Variants in TDRD3 observed in about 807,000 individuals in gnomAD.
TDRD3 encodes tudor domain containing 3.
Under a neutral mutation model 86.7 loss-of-function variants are expected in TDRD3, and 45 were observed. The observed-to-expected ratio is 0.52, with a 90% CI of 0.41 to 0.67. TDRD3 has a LOEUF of 0.67. TDRD3 is among the 30% of genes least tolerant of loss of function. The pLI, the probability that TDRD3 is intolerant of heterozygous loss-of-function variation, is 0.00. For missense variants in TDRD3, 814 were observed against 889.0 expected, an observed-to-expected ratio of 0.92 and a Z score of 1.07; for synonymous variants, 298 against 301.7, an observed-to-expected ratio of 0.99 and a Z score of 0.13.
intron 3 of TDRD3, among the ~76,000 whole-genome samples, chr13:60,450,009 C>T (rs1212693328): frequency 6.6e-6 from 1 of 151,970 alleles, no homozygotes; most frequent in Non-Finnish European, 1.5e-5. Flanking sequence ...TCTTGTTTTT[C>T]TTCTGTCATT....
intron 2 of TDRD3, among the ~76,000 whole-genome samples, chr13:60,444,040 A>C (rs1955343391): frequency 6.6e-6 from 1 of 151,906 alleles, no homozygotes; most frequent in Admixed American, 6.6e-5. Flanking sequence ...CATGAATGCT[A>C]TAGCCTTGTT....
intron 12 of TDRD3, among the ~76,000 whole-genome samples, chr13:60,549,675 T>C (rs1386929778): frequency 6.6e-6 from 1 of 152,134 alleles, no homozygotes; most frequent in African/African-American, 2.4e-5. Flanking sequence ...GGGGCTTATC[T>C]CAGTAAAGAA....
chr13:60,561,698 A>G (rs1393314320), intron 12 of TDRD3, among the ~76,000 whole-genome samples: 1 of 152,168 alleles, frequency 6.6e-6, no homozygotes, highest in African/African-American at 2.4e-5. Context: ...ATTACTGGGT[A>G]CCACAGTGAG....
At chr13:60,470,875 G>T (rs1161312370) in intron 5 of TDRD3, among the ~76,000 whole-genome samples, 1 of 152,110 alleles carries the variant, frequency 6.6e-6, no homozygotes, top group East Asian at 1.9e-4. Flanking sequence ...AAGCCACCAT[G>T]CCCGGCCTTC....
intron 5 of TDRD3, among the ~76,000 whole-genome samples, chr13:60,475,458 A>G (rs1956164909): frequency 6.6e-6 from 1 of 152,196 alleles, no homozygotes; most frequent in South Asian, 2.1e-4. Flanking sequence ...GTATTCTATC[A>G]TGTATATCTA....
chr13:60,559,698 T>C (rs1438981600), intron 12 of TDRD3, among the ~76,000 whole-genome samples: 3 of 152,070 alleles, frequency 2.0e-5, no homozygotes, highest in Non-Finnish European at 2.9e-5. Context: ...GTCAAACTCA[T>C]AGAAACAGAG....
At chr13:60,563,060 C>T (rs1467682917) in intron 12 of TDRD3, among the ~76,000 whole-genome samples, 3 of 151,922 alleles carry the variant, frequency 2.0e-5, no homozygotes, top group African/African-American at 7.3e-5. Context: ...GAAACCCCAT[C>T]TCTACAAAAC....
intron 3 of TDRD3, among the ~76,000 whole-genome samples, chr13:60,450,671 G>A (rs561815001): frequency 2.0e-5 from 3 of 152,200 alleles, no homozygotes; most frequent in East Asian, 1.9e-4. Flanking sequence ...ATGTGTATTT[G>A]TGCCAAGAGA....
chr13:60,572,480 C>G (rs1289478264), intron 13 of TDRD3, among the ~76,000 whole-genome samples: 1 of 152,122 alleles, frequency 6.6e-6, no homozygotes, highest in African/African-American at 2.4e-5. Flanking sequence ...TGCACTGGTC[C>G]ATTCAAACAT....
intron 8 of TDRD3, among the ~76,000 whole-genome samples, chr13:60,497,161 G>C (rs1956736493): frequency 6.6e-6 from 1 of 152,152 alleles, no homozygotes; most frequent in Non-Finnish European, 1.5e-5. Context: ...GGCGGGTCTG[G>C]GACGGCGGTG....
intron 6 of TDRD3, chr13:60,484,641 A>G (rs1956388552): frequency 2.3e-6 from 1 of 440,324 alleles, no homozygotes; most frequent in African/African-American, 2.0e-5. Context: ...TTTTGCATCA[A>G]ACCTATTTTG....
At chr13:60,510,802 CTT>C (rs370448567) in intron 10 of TDRD3, 47 bp downstream of exon 10, 20,171 of 1,150,826 alleles carry the variant, frequency 0.018, 1 homozygote, top group South Asian at 0.028. Context: ...TCTTTTCTTT[CTT>C]TTTTTTTTTT....
At chr13:60,565,142 G>C (rs1958423414) in intron 12 of TDRD3, among the ~76,000 whole-genome samples, 1 of 132,378 alleles carries the variant, frequency 7.6e-6, no homozygotes, top group South Asian at 2.4e-4. Context: ...TGCAAGCTTC[G>C]CCTCCCGGGT....
At chr13:60,422,234 G>T (rs1954677061) in intron 1 of TDRD3, among the ~76,000 whole-genome samples, 1 of 152,078 alleles carries the variant, frequency 6.6e-6, no homozygotes, top group Admixed American at 6.6e-5. Context: ...AAAAATTAAG[G>T]CCCTGTGAGA....
chr13:60,414,950 G>A (rs1228423450), intron 1 of TDRD3, among the ~76,000 whole-genome samples: 1 of 151,982 alleles, frequency 6.6e-6, no homozygotes, highest in African/African-American at 2.4e-5. Context: ...AGGGAAAAGG[G>A]TGAATATGAG....
chr13:60,468,352 C>G (rs1955996554), intron 5 of TDRD3, among the ~76,000 whole-genome samples: 1 of 152,108 alleles, frequency 6.6e-6, no homozygotes, highest in African/African-American at 2.4e-5. Flanking sequence ...CCCGCATAGC[C>G]AAATCATCCC....
chr13:60,437,978 C>T (rs1374800698), intron 1 of TDRD3, among the ~76,000 whole-genome samples: 1 of 152,128 alleles, frequency 6.6e-6, no homozygotes, highest in African/African-American at 2.4e-5. Flanking sequence ...TTTTTCCCAT[C>T]CCACAGCCAC....
In TDRD3 at chr13:60,442,690, C is replaced by G. The variant is rs563174360; in HGVS notation, c.127-1993C>G. Among the ~76,000 whole-genome samples, 323 of 152,128 alleles carry G rather than the reference C, an allele frequency of 2.1e-3. 3 individuals are homozygous for G. The highest frequency in any genetic ancestry group is 7.3e-3 in the African/African-American group (305 of 41,520). On this transcript the variant is annotated intron_variant, in intron 2 of 13. Coordinates refer to ENST00000377881, the MANE Select transcript of TDRD3 (RefSeq NM_001146070.2). ...ACACATACTATATATATGTATGGCA[C>G]TTTAGAAATTATGTAAACTTTGAGC...
chr13:60,501,178 A>G (rs1408680441), intron 8 of TDRD3, among the ~76,000 whole-genome samples: 1 of 152,186 alleles, frequency 6.6e-6, no homozygotes, highest in Admixed American at 6.5e-5. Context: ...TAACTCCTGT[A>G]TCATTCCCCC....
Sources: allele counts gnomAD v4.1 joint callset (sites outside exome capture counted in the v4.1 genomes callset), GRCh38; gene constraint gnomAD v4.1.1; transcripts MANE v1.5; gene names NCBI Gene and HGNC (gene_info 2026-07-23, HGNC 2026-07-21).